BCAS3: variants seen among roughly 807,000 people sequenced by gnomAD.
BCAS3 encodes the protein BCAS4/BCAS3 fusion.
In BCAS3, 53 loss-of-function variants were observed where a neutral mutation model predicts 116.1. The observed-to-expected ratio is 0.46, with a 90% confidence interval of 0.37 to 0.57. BCAS3 has a LOEUF of 0.57. Among genes scored for constraint, BCAS3 ranks in the 20% least tolerant of loss-of-function variants. The pLI is 0.00. For missense variants in BCAS3, 917 were observed against 1,165.4 expected, an observed-to-expected ratio of 0.79 and a Z score of 3.10; for synonymous variants, 391 against 408.2, an observed-to-expected ratio of 0.96 and a Z score of 0.51.
chr17:60,971,766 CAT>C (rs1203460658), intron 14 of BCAS3, among the ~76,000 whole-genome samples: 1 of 152,176 alleles, frequency 6.6e-6, no homozygotes, highest in Admixed American at 6.5e-5. Context: ...ATACCATTTC[CAT>C]TTGAATAGCG....
At chr17:61,092,663 G>C (rs1421414786) in intron 22 of BCAS3, among the ~76,000 whole-genome samples, 1 of 152,068 alleles carries the variant, frequency 6.6e-6, no homozygotes, top group Non-Finnish European at 1.5e-5. Flanking sequence ...ATCATCTTTT[G>C]TAATGTCCTA....
Position 61,264,013 on chromosome 17 carries a change from G to A in BCAS3, c.2426-104314G>A, listed in dbSNP as rs560436271. On this transcript the variant is annotated intron_variant, in intron 22 of 23. Transcript: ENST00000407086. ...TATAAATCGACATAATCCTATCAGC[G>A]GGTAATTTACAATGTCTAGTAAAGT... 3.3e-5 allele frequency among the ~76,000 whole-genome samples: 5 copies of A among 152,236 alleles called. No individual in the cohort carries two copies. The South Asian group carries it at 8.3e-4, about 25-fold the overall frequency.
chr17:61,061,996 TA>T (rs982079771), intron 19 of BCAS3, among the ~76,000 whole-genome samples: 7 of 152,112 alleles, frequency 4.6e-5, no homozygotes, highest in Admixed American at 6.5e-5. Context: ...AATCTAAAAA[TA>T]GGGGGAAAAA....
rs139127124 is a variant in BCAS3 at position 61,005,893 on chromosome 17, C to T, written c.1487-9858C>T. 9.2e-5 allele frequency among the ~76,000 whole-genome samples: 14 copies of T among 151,694 alleles called. No individual in the cohort carries two copies. In the East Asian group the frequency reaches 2.7e-3, roughly 29 times the overall value. The stretch of plus-strand genomic sequence containing the variant: ...ACATGTGCCATGCTGGTGGGCTGCA[C>T]CCACTAACTTGTCATCTAGCATTAG... On this transcript the variant is annotated intron_variant, in intron 15 of 23. Coordinates refer to ENST00000407086, the MANE Select transcript of BCAS3 (RefSeq NM_017679.5).
intron 22 of BCAS3, among the ~76,000 whole-genome samples, chr17:61,114,113 C>T (rs1327641532): frequency 6.8e-6 from 1 of 146,262 alleles, no homozygotes; most frequent in Non-Finnish European, 1.5e-5. Context: ...CTATCTATGA[C>T]AAACCCACAG....
In BCAS3 at chr17:60,684,050, T is replaced by C. The variant is rs1228187794; in HGVS notation, c.138+14T>C. 1 of 1,612,694 alleles carries C rather than the reference T, an allele frequency of 6.2e-7. No homozygotes were observed. Among genetic ancestry groups the C allele is most frequent in the Non-Finnish European group, 8.5e-7 (1 of 1,178,956 alleles). ...GTTGTGCCACAGGTAAGTGTCTATA[T>C]GTGCTTTCGCCTTTCCCTTTGGTCA... On this transcript the variant is annotated intron_variant, in intron 3 of 23. Transcript: ENST00000407086.
At chr17:61,330,254 C>G (rs543987899) in intron 22 of BCAS3, among the ~76,000 whole-genome samples, 2 of 149,532 alleles carry the variant, frequency 1.3e-5, no homozygotes, top group African/African-American at 4.9e-5. Flanking sequence ...TCCCTCCCTC[C>G]CTTCCTTTCT....
chr17:61,181,205 GCAAA>G lies in BCAS3; in HGVS notation c.2425+96648_2425+96651del, dbSNP rs1192449132. 2.6e-5 allele frequency among the ~76,000 whole-genome samples: 4 copies of G among 152,168 alleles called. No individual in the cohort carries two copies. The highest frequency in any genetic ancestry group is 9.7e-5 in the African/African-American group (4 of 41,446). On this transcript the variant is annotated intron_variant, in intron 22 of 23. Coordinates refer to ENST00000407086, the MANE Select transcript of BCAS3 (RefSeq NM_017679.5). The surrounding 1 kb of genome is among the most constrained non-coding windows in gnomAD (Gnocchi z 5.0). ...ACTGCACTCCATCCTGGGCAAAAGA[GCAAA>G]CAAACAGTTTAATTAATTAATTGGT...
intron 22 of BCAS3, among the ~76,000 whole-genome samples, chr17:61,138,893 A>G (rs970324210): frequency 7.2e-5 from 11 of 152,312 alleles, no homozygotes; most frequent in African/African-American, 2.4e-4. Flanking sequence ...AATGGTGAAG[A>G]TAAGAAAATT....
chr17:61,075,899 C>T (rs1319693032), intron 20 of BCAS3, among the ~76,000 whole-genome samples: 1 of 152,094 alleles, frequency 6.6e-6, no homozygotes, highest in Non-Finnish European at 1.5e-5. Flanking sequence ...AGGCACGCAT[C>T]ACCATGCTGG....
chr17:61,137,544 G>A (rs1025794836), intron 22 of BCAS3, among the ~76,000 whole-genome samples: 2 of 151,828 alleles, frequency 1.3e-5, no homozygotes, highest in Non-Finnish European at 2.9e-5. Flanking sequence ...CAAGGTGGGC[G>A]GATCACCTGA....
At chr17:61,090,349 G>A (rs1349926380) in intron 22 of BCAS3, among the ~76,000 whole-genome samples, 1 of 152,206 alleles carries the variant, frequency 6.6e-6, no homozygotes, top group Non-Finnish European at 1.5e-5. Context: ...CTGAAAGCTT[G>A]TGTGGGATCA....
chr17:61,255,019 C>T (rs537297287), intron 22 of BCAS3, among the ~76,000 whole-genome samples: 1 of 152,150 alleles, frequency 6.6e-6, no homozygotes, highest in East Asian at 1.9e-4. Flanking sequence ...CTTTCTTTTT[C>T]CTGGTATTTT....
chr17:61,025,346 G>A (rs2066163422), intron 16 of BCAS3, among the ~76,000 whole-genome samples: 1 of 152,018 alleles, frequency 6.6e-6, no homozygotes, highest in African/African-American at 2.4e-5. Flanking sequence ...TGGACCAGCA[G>A]CATTGCTGTT....
At chr17:61,123,165 A>G (rs879658667) in intron 22 of BCAS3, among the ~76,000 whole-genome samples, 6 of 151,388 alleles carry the variant, frequency 4.0e-5, no homozygotes, top group Non-Finnish European at 8.8e-5. Context: ...CTGGTCTCCA[A>G]CTCCTGACCT....
chr17:61,146,065 C>A (rs773109862), intron 22 of BCAS3, among the ~76,000 whole-genome samples: 3 of 151,978 alleles, frequency 2.0e-5, no homozygotes, highest in South Asian at 2.1e-4. Flanking sequence ...TCATCTACCC[C>A]CCGATAGCTG....
rs1253393273 is a variant in BCAS3, at chr17:61,204,185, GAAAC to G, written c.2425+119622_2425+119625del. On this transcript the variant is annotated intron_variant, in intron 22 of 23. Transcript: ENST00000407086. This position sits in a 1 kb window ranked among gnomAD's most constrained non-coding sequence, Gnocchi z 4.2. ...TTCCGGAAATTTTCACAGAGGGAGA[GAAAC>G]TCTCCCTCCTCTTTCAGTGTTTTAT... 2.0e-5 allele frequency among the ~76,000 whole-genome samples: 3 copies of G among 152,190 alleles called. No individual in the cohort carries two copies. The highest frequency in any genetic ancestry group is 4.4e-5 in the Non-Finnish European group (3 of 68,016).
At position 61,214,368 on chromosome 17, in the gene BCAS3, AAAATAAATAAAT is replaced by A. The variant is rs35597487; in HGVS notation, c.2425+129822_2425+129833del. Among the ~76,000 whole-genome samples, 5 of 150,076 alleles carry A rather than the reference AAAATAAATAAAT, an allele frequency of 3.3e-5. No individual in the cohort carries two copies. The highest frequency in any genetic ancestry group is 7.5e-5 in the African/African-American group (3 of 39,984). The stretch of plus-strand genomic sequence containing the variant: ...GGCCACAGAGCAAGACCCTATCTCA[AAAATAAATAAAT>A]AAATAAATAAATAAATATTTTAGGC... On this transcript the variant is annotated intron_variant, in intron 22 of 23. Transcript: ENST00000407086. The surrounding 1 kb of genome is among the most constrained non-coding windows in gnomAD (Gnocchi z 4.4).
intron 22 of BCAS3, among the ~76,000 whole-genome samples, chr17:61,091,140 T>A (rs1258022614): frequency 6.6e-6 from 1 of 152,178 alleles, no homozygotes; most frequent in Non-Finnish European, 1.5e-5. Context: ...TTTGAATAAA[T>A]CTTTGTGTCA....
Sources: gnomAD v4.1 joint callset for allele counts (sites outside exome capture counted in the v4.1 genomes callset) on GRCh38, gnomAD v4.1.1 for gene constraint, Gnocchi (gnomAD v3.1) non-coding constraint, MANE v1.5 for transcripts, NCBI Gene and HGNC (gene_info 2026-07-23, HGNC 2026-07-21) for gene names.